The following RANGAP1 variants were observed in gnomAD, a reference collection of about 807,000 sequenced individuals.
RANGAP1 encodes the protein ran GTPase-activating protein 1.
Under a neutral mutation model 63.5 loss-of-function variants are expected in RANGAP1, and 38 were observed. The ratio of observed to expected loss-of-function variants is 0.60; its 90% CI spans 0.46 to 0.78. RANGAP1 has a LOEUF of 0.78. RANGAP1 is among the 30% of genes least tolerant of loss of function. The pLI, the probability that RANGAP1 is intolerant of heterozygous loss-of-function variation, is 0.00. For synonymous variants in RANGAP1, 329 were observed against 310.5 expected (o/e 1.06, Z -0.63); for missense variants, 630 against 740.3 (o/e 0.85, Z 1.73).
At chr22:41,273,300 AG>A (rs202025486) in intron 3 of RANGAP1, among the ~76,000 whole-genome samples, 2,033 of 152,290 alleles carry the variant, frequency 0.013, 28 homozygotes, top group Non-Finnish European at 0.02. Flanking sequence ...TTTCAAAGAG[AG>A]GGGAATACCC....
At position 41,286,129 on chromosome 22, in the gene RANGAP1, G is replaced by A. The variant is rs1321038442; in HGVS notation, c.-182C>T. 2 of 152,474 alleles carry A rather than the reference G, an allele frequency of 1.3e-5. No homozygotes were observed. The highest frequency in any genetic ancestry group is 3.9e-4 in the East Asian group (2 of 5,192). 9.4% of individuals were successfully genotyped at this position (152,474 alleles called of 1,614,324 possible). ...AGATGTCCAGCCGGCTAGTCTGTTA[G>A]CTCTCTCGAGCTCCCGGCCTCACGC... On this transcript the variant is annotated 5_prime_UTR_variant, in exon 1 of 16. Coordinates refer to ENST00000356244, the MANE Select transcript of RANGAP1 (RefSeq NM_002883.4).
At position 41,254,483 on chromosome 22, in the gene RANGAP1, TC is replaced by T; in HGVS notation, c.1084del (p.Asp362ThrfsTer88). 1 of 1,593,316 alleles carries T rather than the reference TC, an allele frequency of 6.3e-7. No homozygotes were observed. The highest frequency in any genetic ancestry group is 8.5e-7 in the Non-Finnish European group (1 of 1,173,622). On this transcript the variant is annotated frameshift_variant, in exon 11 of 16. Transcript: ENST00000356244. LOFTEE classifies it high-confidence loss of function. ...TTCTCCTTCCTCCTCCTCCTCCTCG[TC>T]CTCGTCATCACTGCAGAAAGAGCTG... ...KVLASLSDDE[D>X]EEEEEEGEEE...
chr22:41,298,462 G>T, the RANGAP1 span, among the ~76,000 whole-genome samples: 2 of 151,888 alleles, frequency 1.3e-5, no homozygotes, highest in Non-Finnish European at 2.9e-5. Flanking sequence ...TTACAGGTGC[G>T]TGCCACCACA....
At chr22:41,265,662 ACCT>A (rs1167130739) in intron 4 of RANGAP1, among the ~76,000 whole-genome samples, 3 of 151,678 alleles carry the variant, frequency 2.0e-5, no homozygotes, top group Non-Finnish European at 2.9e-5. Flanking sequence ...TCTCCTGGAA[ACCT>A]CCTGGGCTGG....
the RANGAP1 span, among the ~76,000 whole-genome samples, chr22:41,295,182 C>T: frequency 1.3e-5 from 2 of 150,452 alleles, no homozygotes; most frequent in Admixed American, 6.6e-5. Context: ...CCGGCCACCA[C>T]CCCGTCTGGG....
rs761024189 is a variant in RANGAP1, at chr22:41,251,102, G to A, written c.1388C>T (p.Thr463Met). The change falls in exon 13 of 16, where the codon ACG becomes ATG. Residue 463 changes from threonine (T) to methionine (M), a missense_variant. By Grantham distance (81) the Thr-to-Met change is moderately conservative (BLOSUM62 -1). This residue lies in a region of RANGAP1 where 428 missense variants were observed against 465.5 expected (regional missense o/e 0.92). Transcript: ENST00000356244. ...SSVLIAQQTD[T>M]SDPEKVVSAF... is the part of the protein sequence containing the mutation. ...AGAGACCACCTTCTCGGGGTCAGACGTGTCAGTCTGAGGACAAAAGAGACA... is the reference window on the plus strand; with the variant it reads ...AGAGACCACCTTCTCGGGGTCAGACATGTCAGTCTGAGGACAAAAGAGACA... 18 of 1,613,404 alleles carry A rather than the reference G, an allele frequency of 1.1e-5. No homozygotes were observed. In the East Asian group the frequency reaches 1.6e-4, roughly 14 times the overall value.
At chr22:41,258,637 A>G (rs999644874) in intron 6 of RANGAP1, among the ~76,000 whole-genome samples, 3 of 151,194 alleles carry the variant, frequency 2.0e-5, no homozygotes, top group Non-Finnish European at 4.4e-5. Context: ...CTGCCTCCTT[A>G]TTTTCTTTTT....
intron 1 of RANGAP1, chr22:41,285,508 G>GA: frequency 1.0e-6 from 1 of 985,444 alleles, no homozygotes; most frequent in South Asian, 4.7e-5. Context: ...TCTGAGGTGA[G>GA]ATGCATGCTC....
intron 6 of RANGAP1, among the ~76,000 whole-genome samples, chr22:41,260,961 G>C (rs1440451429): frequency 6.6e-6 from 1 of 152,210 alleles, no homozygotes; most frequent in East Asian, 1.9e-4. Context: ...TGCGGGGATG[G>C]GGAGAGGAGA....
At chr22:41,278,662 G>C (rs1415063262) in intron 2 of RANGAP1, among the ~76,000 whole-genome samples, 1 of 152,230 alleles carries the variant, frequency 6.6e-6, no homozygotes, top group Admixed American at 6.5e-5. Context: ...CCTTGGTCAA[G>C]TTACTTAAAG....
In RANGAP1 at chr22:41,261,435, A is replaced by G; in HGVS notation, c.615+11T>C. The G allele has an allele frequency of 1.2e-6, 2 of 1,614,192 alleles. No individual in the cohort carries two copies. Among genetic ancestry groups the G allele is most frequent in the Non-Finnish European group, 8.5e-7 (1 of 1,180,024 alleles). ...AAGGCTGCAGGGGCAGGATGGACAG[A>G]AACCACTCACCCTAAAAGCTTCTGC... is the stretch of plus-strand genomic sequence containing the variant. On this transcript the variant is annotated intron_variant, in intron 6 of 15. Coordinates refer to ENST00000356244, the MANE Select transcript of RANGAP1 (RefSeq NM_002883.4).
chr22:41,285,242 T>G (rs921543839), intron 1 of RANGAP1: 1 of 152,504 alleles, frequency 6.6e-6, no homozygotes, highest in Non-Finnish European at 1.5e-5. Context: ...TGGGACAATT[T>G]GAGGGTAAAA....
intron 3 of RANGAP1, among the ~76,000 whole-genome samples, chr22:41,274,010 G>A (rs1322448906): frequency 1.3e-5 from 2 of 152,104 alleles, no homozygotes; most frequent in Non-Finnish European, 2.9e-5. Context: ...CCCAGGAGGC[G>A]GAGATTGCAG....
chr22:41,299,711 C>T, the RANGAP1 span, among the ~76,000 whole-genome samples: 1 of 152,110 alleles, frequency 6.6e-6, no homozygotes, highest in African/African-American at 2.4e-5. Context: ...CAACATGGGG[C>T]TTCCCAGAAA....
chr22:41,280,535 C>T (rs2035436837), intron 2 of RANGAP1: 4 of 642,376 alleles, frequency 6.2e-6, no homozygotes, highest in Non-Finnish European at 7.1e-6. Context: ...CCACCAGAGC[C>T]TCAGCTCTGG....
chr22:41,250,958 C>A (rs773032040), intron 13 of RANGAP1, 49 bp downstream of exon 13: 2 of 1,475,556 alleles, frequency 1.4e-6, no homozygotes, highest in Admixed American at 1.7e-5. Flanking sequence ...CTGGGGCCCA[C>A]GAGCATCAAG....
chr22:41,259,033 T>C (rs991584729), intron 6 of RANGAP1, among the ~76,000 whole-genome samples: 1 of 152,080 alleles, frequency 6.6e-6, no homozygotes, highest in South Asian at 2.1e-4. Context: ...CAGGAAGGCT[T>C]CCTGGATTCC....
chr22:41,281,060 G>A lies in RANGAP1; in HGVS notation c.-16C>T. On this transcript the variant is annotated 5_prime_UTR_variant, in exon 2 of 16. Coordinates refer to ENST00000356244, the MANE Select transcript of RANGAP1 (RefSeq NM_002883.4). ...CCGAGGCCATGTTGACTAGGCTGGT[G>A]GGCTCCCCTGGAGATCTGCAGACTG... The A allele has an allele frequency of 6.3e-7, 1 of 1,576,924 alleles. No individual in the cohort carries two copies. The highest frequency in any genetic ancestry group is 8.6e-7 in the Non-Finnish European group (1 of 1,165,186).
chr22:41,287,140 G>C (rs11704524), upstream of RANGAP1, among the ~76,000 whole-genome samples: 20,980 of 152,156 alleles, frequency 0.14, 1,726 homozygotes, highest in Middle Eastern at 0.2. Flanking sequence ...TTATGTAAGA[G>C]ACTGCCCTTG....
Sources: gnomAD v4.1 joint callset for allele counts (sites outside exome capture counted in the v4.1 genomes callset) on GRCh38, gnomAD v4.1.1 for gene constraint, gnomAD v4.1.1 regional missense constraint, MANE v1.5 for transcripts, NCBI Gene and HGNC (gene_info 2026-07-23, HGNC 2026-07-21) for gene names.